The following MAPK8 variants were observed in gnomAD, a reference collection of about 807,000 sequenced individuals.
MAPK8 encodes JUN N-terminal kinase.
Under a neutral mutation model 52.9 loss-of-function variants are expected in MAPK8, and 13 were observed. The observed-to-expected ratio is 0.25, with a 90% CI of 0.16 to 0.39. The LOEUF is 0.39. MAPK8 is among the 10% of genes least tolerant of loss of function. The probability of loss-of-function intolerance (pLI) is 1.00; values close to 1 mark genes in which losing one functional copy is unlikely to be tolerated. For synonymous variants in MAPK8, 191 were observed against 169.8 expected, an observed-to-expected ratio of 1.12 and a Z score of -0.97; for missense variants, 300 against 519.2, an observed-to-expected ratio of 0.58 and a Z score of 4.10.
At chr10:48,338,087 A>C (rs117184697) in intron 1 of MAPK8, among the ~76,000 whole-genome samples, 4,246 of 152,228 alleles carry the variant, frequency 0.028, 102 homozygotes, top group Middle Eastern at 0.044. Context: ...TATCCTCCCT[A>C]ACTCATTCTT....
intron 1 of MAPK8, among the ~76,000 whole-genome samples, chr10:48,387,900 G>A (rs1425213498): frequency 6.6e-6 from 1 of 152,094 alleles, no homozygotes; most frequent in Admixed American, 6.5e-5. Context: ...CTCTGGGCTC[G>A]AGTCTAAAGT....
intron 5 of MAPK8, among the ~76,000 whole-genome samples, chr10:48,419,800 A>G (rs138241416): frequency 3.9e-5 from 6 of 152,234 alleles, no homozygotes; most frequent in Non-Finnish European, 2.9e-5. Context: ...TGTTATGCAA[A>G]TGAATATAAA....
intron 5 of MAPK8, among the ~76,000 whole-genome samples, chr10:48,412,827 A>G (rs2042831814): frequency 1.3e-5 from 2 of 152,188 alleles, no homozygotes; most frequent in African/African-American, 2.4e-5. Flanking sequence ...TAACCATTAA[A>G]TCTACAGTTC....
chr10:48,420,238 G>A lies in MAPK8; in HGVS notation c.534G>A (p.Thr178=). The A allele has an allele frequency of 6.2e-7, 1 of 1,613,874 alleles. No homozygotes were observed. Among genetic ancestry groups the A allele is most frequent in the Non-Finnish European group, 8.5e-7 (1 of 1,179,850 alleles). The part of the protein sequence containing the change: ...LDFGLARTAG[T]SFMMTPYVVT... ...TCGGTCTGGCCAGGACTGCAGGAAC[G>A]AGTTTTATGATGACGCCTTATGTAG... The change falls in exon 6 of 12, where the codon ACG becomes ACA. Residue 178 remains threonine, a synonymous_variant. Coordinates refer to ENST00000374189, the MANE Select transcript of MAPK8 (RefSeq NM_001323329.2).
At chr10:48,365,044 C>T (rs1365080612) in intron 1 of MAPK8, among the ~76,000 whole-genome samples, 1 of 152,068 alleles carries the variant, frequency 6.6e-6, no homozygotes, top group Non-Finnish European at 1.5e-5. Context: ...AGGAGAATGG[C>T]AAGTTATTGA....
intron 1 of MAPK8, among the ~76,000 whole-genome samples, chr10:48,314,354 A>G (rs1041501314): frequency 3.3e-5 from 5 of 152,168 alleles, no homozygotes; most frequent in Admixed American, 2.0e-4. Flanking sequence ...TCCTCCAGAT[A>G]CTATCAAGTT....
At chr10:48,323,456 A>G (rs1473889937) in intron 1 of MAPK8, among the ~76,000 whole-genome samples, 2 of 152,244 alleles carry the variant, frequency 1.3e-5, no homozygotes, top group Non-Finnish European at 2.9e-5. Context: ...TGTGTCTTAT[A>G]GCAGTATAAA....
intron 1 of MAPK8, among the ~76,000 whole-genome samples, chr10:48,388,546 C>T (rs1279087421): frequency 6.6e-6 from 1 of 152,130 alleles, no homozygotes; most frequent in East Asian, 1.9e-4. Flanking sequence ...GGACAGTTAA[C>T]TGGAAACTTA....
chr10:48,352,500 T>A (rs1259999705), intron 1 of MAPK8, among the ~76,000 whole-genome samples: 1 of 152,200 alleles, frequency 6.6e-6, no homozygotes, highest in Non-Finnish European at 1.5e-5. Context: ...AATCTATCAA[T>A]GTAACCATAT....
At chr10:48,359,489 A>T (rs1441770177) in intron 1 of MAPK8, among the ~76,000 whole-genome samples, 1 of 152,180 alleles carries the variant, frequency 6.6e-6, no homozygotes. Flanking sequence ...GTTTCTTGAC[A>T]GTTTGGGGGG....
intron 1 of MAPK8, among the ~76,000 whole-genome samples, chr10:48,320,298 C>G (rs1842885597): frequency 7.3e-6 from 1 of 137,528 alleles, no homozygotes; most frequent in East Asian, 2.3e-4. Flanking sequence ...AGTGCAGTAC[C>G]ATGATCGTGG....
intron 1 of MAPK8, among the ~76,000 whole-genome samples, chr10:48,330,003 T>G (rs1243243389): frequency 6.6e-6 from 1 of 152,210 alleles, no homozygotes; most frequent in East Asian, 1.9e-4. Context: ...TAAAAGTACC[T>G]ATAGCTAGTA....
chr10:48,382,395 T>G (rs2041053316), intron 1 of MAPK8, among the ~76,000 whole-genome samples: 4 of 152,216 alleles, frequency 2.6e-5, no homozygotes, highest in Admixed American at 2.6e-4. Flanking sequence ...AATTTGTCAG[T>G]TTGGTACCAT....
chr10:48,407,263 C>T (rs886258927), intron 3 of MAPK8, among the ~76,000 whole-genome samples: 1 of 152,218 alleles, frequency 6.6e-6, no homozygotes, highest in Non-Finnish European at 1.5e-5. Flanking sequence ...CTAACTATCA[C>T]AGTTATCCAG....
intron 1 of MAPK8, among the ~76,000 whole-genome samples, chr10:48,336,538 T>C (rs915346219): frequency 6.6e-6 from 1 of 152,202 alleles, no homozygotes; most frequent in Non-Finnish European, 1.5e-5. Context: ...GCTATAGCTA[T>C]TGAAATTTAC....
chr10:48,352,192 G>A (rs775986018), intron 1 of MAPK8, among the ~76,000 whole-genome samples: 2 of 151,968 alleles, frequency 1.3e-5, no homozygotes, highest in Non-Finnish European at 2.9e-5. Context: ...GAGAATTCTA[G>A]CAAAGGCTTA....
chr10:48,411,079 T>G (rs1343711277), intron 5 of MAPK8, among the ~76,000 whole-genome samples: 1 of 152,230 alleles, frequency 6.6e-6, no homozygotes, highest in Non-Finnish European at 1.5e-5. Flanking sequence ...GTAGGTTGTC[T>G]GTTCACTTTG....
chr10:48,402,374 T>C (rs780795701), intron 2 of MAPK8, among the ~76,000 whole-genome samples: 6 of 152,220 alleles, frequency 3.9e-5, no homozygotes, highest in African/African-American at 1.2e-4. Flanking sequence ...TTTCACACTA[T>C]AATGAAGCGT....
At chr10:48,372,531 T>C (rs987624079) in intron 1 of MAPK8, among the ~76,000 whole-genome samples, 4 of 152,008 alleles carry the variant, frequency 2.6e-5, no homozygotes, top group African/African-American at 9.7e-5. Context: ...AGAATTTAAA[T>C]GACCTGATGG....
Sources: allele counts gnomAD v4.1 joint callset (sites outside exome capture counted in the v4.1 genomes callset), GRCh38; gene constraint gnomAD v4.1.1; transcripts MANE v1.5; gene names NCBI Gene and HGNC (gene_info 2026-07-23, HGNC 2026-07-21).